Variants in JAZF1 observed in about 807,000 individuals in gnomAD.
The protein encoded by JAZF1 is JAZF zinc finger 1, also known as juxtaposed with another zinc finger protein 1.
JAZF1 carries 8 observed loss-of-function variants against 26.4 expected under a neutral mutation model. That is an observed-to-expected ratio of 0.30 (90% CI 0.18 to 0.55). The LOEUF (loss-of-function observed/expected upper bound fraction) is 0.55. Ranked by LOEUF, JAZF1 falls within the 20% of genes least tolerant of loss-of-function variation. The pLI is 0.94. For synonymous variants in JAZF1, 126 were observed against 122.3 expected, an observed-to-expected ratio of 1.03 and a Z score of -0.20; for missense variants, 199 against 322.0, an observed-to-expected ratio of 0.62 and a Z score of 2.92.
intron 1 of JAZF1, among the ~76,000 whole-genome samples, chr7:28,010,834 C>T (rs185462649): frequency 7.2e-4 from 110 of 152,340 alleles, no homozygotes; most frequent in Non-Finnish European, 1.2e-3. Context: ...AATTATTAAA[C>T]GACATCACAA....
intron 3 of JAZF1, among the ~76,000 whole-genome samples, chr7:27,881,898 T>C (rs1177369430): frequency 6.6e-6 from 1 of 152,154 alleles, no homozygotes; most frequent in Non-Finnish European, 1.5e-5. Context: ...TGAAAACAGA[T>C]CACATGAAAA....
At chr7:27,940,154 C>G (rs1423041812) in intron 2 of JAZF1, among the ~76,000 whole-genome samples, 2 of 152,192 alleles carry the variant, frequency 1.3e-5, no homozygotes, top group African/African-American at 4.8e-5. Context: ...TGAGCATGCC[C>G]CCGGTACCAT....
At chr7:28,081,048 A>C (rs1261696827) in intron 1 of JAZF1, among the ~76,000 whole-genome samples, 2 of 152,170 alleles carry the variant, frequency 1.3e-5, no homozygotes, top group African/African-American at 4.8e-5. Context: ...GTAAGCTGGT[A>C]AATTAGAGGA....
At chr7:27,914,610 G>A in intron 2 of JAZF1, 1 of 376,314 alleles carries the variant, frequency 2.7e-6, no homozygotes, top group Non-Finnish European at 5.5e-6. Flanking sequence ...TACTAAAAAT[G>A]GAAACTCCTG....
In JAZF1 at chr7:28,022,843, G is replaced by A. The variant is rs192201158; in HGVS notation, c.116-30862C>T. Among the ~76,000 whole-genome samples the A allele has an allele frequency of 3.7e-4, 56 of 152,196 alleles. No individual in the cohort carries two copies. The Middle Eastern group carries it at 0.01, about 28-fold the overall frequency. ...ATGATCTTGGCTCACTGCAACCTCCGCTGCCCAGGTTCAAGTGATTCTCGT... is the reference window on the plus strand; with the variant it reads ...ATGATCTTGGCTCACTGCAACCTCCACTGCCCAGGTTCAAGTGATTCTCGT... On this transcript the variant is annotated intron_variant, in intron 1 of 4. Coordinates refer to ENST00000283928, the MANE Select transcript of JAZF1 (RefSeq NM_175061.4).
chr7:28,165,002 C>T (rs962910268), intron 1 of JAZF1, among the ~76,000 whole-genome samples: 4 of 152,050 alleles, frequency 2.6e-5, no homozygotes, highest in African/African-American at 9.7e-5. Context: ...GACCCCATCT[C>T]TACAAAAAAT....
intron 1 of JAZF1, among the ~76,000 whole-genome samples, chr7:27,994,138 C>G (rs1785964054): frequency 6.6e-6 from 1 of 152,020 alleles, no homozygotes; most frequent in South Asian, 2.1e-4. Flanking sequence ...CCTTTTCCTT[C>G]TTCAAGCTCT....
intron 1 of JAZF1, among the ~76,000 whole-genome samples, chr7:28,026,942 C>T (rs1783104199): frequency 6.6e-6 from 1 of 152,216 alleles, no homozygotes; most frequent in Non-Finnish European, 1.5e-5. Flanking sequence ...CCCAAGTGGG[C>T]TTCACACCTT....
At chr7:28,105,075 G>A (rs1393721959) in intron 1 of JAZF1, among the ~76,000 whole-genome samples, 2 of 152,050 alleles carry the variant, frequency 1.3e-5, no homozygotes, top group African/African-American at 2.4e-5. Context: ...GTAACTCTAG[G>A]AGATACAGAA....
intron 1 of JAZF1, among the ~76,000 whole-genome samples, chr7:28,120,324 C>T (rs887766994): frequency 6.6e-6 from 1 of 151,794 alleles, no homozygotes; most frequent in Non-Finnish European, 1.5e-5. Flanking sequence ...ACTTCTGACC[C>T]TTGTTCATCA....
chr7:27,842,567 T>C (rs764377577), intron 3 of JAZF1: 2 of 152,222 alleles, frequency 1.3e-5, no homozygotes, highest in Non-Finnish European at 2.9e-5. Flanking sequence ...AATTCTGCTG[T>C]ACTTGGCCAT....
At chr7:27,847,570 C>T (rs567696512) in intron 3 of JAZF1, among the ~76,000 whole-genome samples, 15 of 152,292 alleles carry the variant, frequency 9.8e-5, no homozygotes, top group East Asian at 9.6e-4. Flanking sequence ...TCTGTGCCCT[C>T]GTCAAAAAGC....
intron 1 of JAZF1, among the ~76,000 whole-genome samples, chr7:28,039,932 TG>T (rs1436959462): frequency 1.6e-4 from 24 of 152,340 alleles, no homozygotes; most frequent in Non-Finnish European, 5.9e-5. Context: ...ATTAATTAAC[TG>T]GAGCTTTTTT....
chr7:27,988,115 C>A (rs1283428711), intron 2 of JAZF1, among the ~76,000 whole-genome samples: 1 of 151,732 alleles, frequency 6.6e-6, no homozygotes, highest in African/African-American at 2.4e-5. Flanking sequence ...TATCTGCTGA[C>A]CTTCCCTCCA....
chr7:27,835,822 G>GT (rs1782796027), intron 4 of JAZF1, among the ~76,000 whole-genome samples: 1 of 151,742 alleles, frequency 6.6e-6, no homozygotes. Flanking sequence ...AGAAATATTA[G>GT]TAAAAAAAAA....
intron 2 of JAZF1, among the ~76,000 whole-genome samples, chr7:27,909,470 G>C (rs2128344856): frequency 6.6e-6 from 1 of 152,126 alleles, no homozygotes; most frequent in South Asian, 2.1e-4. Flanking sequence ...ACTTTGGGAG[G>C]CCAAGGCGGG....
At chr7:28,096,644 T>C (rs1469258694) in intron 1 of JAZF1, among the ~76,000 whole-genome samples, 1 of 152,224 alleles carries the variant, frequency 6.6e-6, no homozygotes, top group Non-Finnish European at 1.5e-5. Flanking sequence ...TTTATCTTCT[T>C]ACTACAAGAT....
chr7:28,081,232 G>A (rs542393974), intron 1 of JAZF1, among the ~76,000 whole-genome samples: 47 of 152,294 alleles, frequency 3.1e-4, no homozygotes, highest in Non-Finnish European at 5.3e-4. Flanking sequence ...AGTAAGCCTG[G>A]AATGGAGCCA....
chr7:28,163,465 A>C (rs181642636), intron 1 of JAZF1, among the ~76,000 whole-genome samples: 1 of 152,358 alleles, frequency 6.6e-6, no homozygotes, highest in East Asian at 1.9e-4. Context: ...AGGGGAGGGC[A>C]TCACAGGAAG....
Sources: allele counts gnomAD v4.1 joint callset (sites outside exome capture counted in the v4.1 genomes callset), GRCh38; gene constraint gnomAD v4.1.1; transcripts MANE v1.5; gene names NCBI Gene and HGNC (gene_info 2026-07-23, HGNC 2026-07-21).